Variants in METAP1 observed in about 807,000 individuals in gnomAD.
The protein encoded by METAP1 is methionyl aminopeptidase 1.
In METAP1, 28 loss-of-function variants were observed where a neutral mutation model predicts 53.8. The ratio of observed to expected loss-of-function variants is 0.52; its 90% CI spans 0.39 to 0.71. The LOEUF is 0.71. Ranked by LOEUF, METAP1 falls within the 30% of genes least tolerant of loss-of-function variation. The pLI is 0.00. For missense variants in METAP1, 389 were observed against 479.8 expected (o/e 0.81, Z 1.77); for synonymous variants, 181 against 165.7 (o/e 1.09, Z -0.71).
At chr4:99,003,580 A>G (rs1170031235) in intron 1 of METAP1, among the ~76,000 whole-genome samples, 5 of 152,184 alleles carry the variant, frequency 3.3e-5, no homozygotes, top group Non-Finnish European at 5.9e-5. Flanking sequence ...TGTTACATGA[A>G]TAATTTAATA....
chr4:99,043,383 T>A lies in METAP1; in HGVS notation c.651T>A (p.Val217=). 2 of 1,590,322 alleles carry A rather than the reference T, an allele frequency of 1.3e-6. No individual in the cohort carries two copies. Among genetic ancestry groups the A allele is most frequent in the Non-Finnish European group, 1.7e-6 (2 of 1,167,728 alleles). Residue 217 remains valine (V), a synonymous_variant, in exon 7 of 11, where the codon GTT becomes GTA. Coordinates refer to ENST00000296411, the MANE Select transcript of METAP1 (RefSeq NM_015143.3). The part of the protein sequence containing the change: ...DRRPLQEGDI[V]NVDITLYRNG... ...GGCCCTTACAAGAAGGTGACATTGT[T>A]AATGGTAAGAAAAATATGTTACTTT...
At position 99,041,072 on chromosome 4, in the gene METAP1, C is replaced by T. The variant is rs368142353; in HGVS notation, c.462C>T (p.Ala154=). Residue 154 remains alanine, a synonymous_variant, in exon 6 of 11, where the codon GCC becomes GCT. Coordinates refer to ENST00000296411, the MANE Select transcript of METAP1 (RefSeq NM_015143.3). The part of the protein sequence containing the change: ...RLAREVLDVA[A]GMIKPGVTTE... ...CTAGAGAAGTTTTGGATGTTGCTGC[C>T]GGCATGATTAAACCAGGTGTAACTA... The T allele has an allele frequency of 6.3e-5, 101 of 1,608,224 alleles. No homozygotes were observed. The highest frequency in any genetic ancestry group is 3.6e-4 in the African/African-American group (27 of 74,688).
intron 1 of METAP1, among the ~76,000 whole-genome samples, chr4:99,024,880 C>T (rs1724442468): frequency 6.6e-6 from 1 of 152,106 alleles, no homozygotes; most frequent in African/African-American, 2.4e-5. Flanking sequence ...GACAATTTTT[C>T]CATGGACTTG....
intron 9 of METAP1, among the ~76,000 whole-genome samples, chr4:99,053,684 C>T (rs1016474405): frequency 6.6e-6 from 1 of 152,106 alleles, no homozygotes; most frequent in African/African-American, 2.4e-5. Flanking sequence ...AATAATAAGA[C>T]TTGAAAGTCA....
intron 6 of METAP1, among the ~76,000 whole-genome samples, 188 bp from the exon 7 acceptor site, chr4:99,043,061 T>C (rs6834982): frequency 0.063 from 9,622 of 152,200 alleles, 1,058 homozygotes; most frequent in African/African-American, 0.22. Flanking sequence ...TGTGTATGTG[T>C]ACCTGACTGG....
chr4:99,004,526 A>G (rs1012859614), intron 1 of METAP1, among the ~76,000 whole-genome samples: 51 of 151,326 alleles, frequency 3.4e-4, no homozygotes, highest in Non-Finnish European at 2.1e-4. Context: ...ATAACACAGC[A>G]AATCATCCAC....
intron 1 of METAP1, chr4:99,023,518 TCAA>T (rs761103236): frequency 4.6e-5 from 45 of 985,292 alleles, no homozygotes; most frequent in Non-Finnish European, 5.2e-5. Context: ...CACACTCTCA[TCAA>T]CATGAATTGA....
At chr4:99,035,139 A>AATG (rs1246798956) in intron 3 of METAP1, among the ~76,000 whole-genome samples, 1 of 152,184 alleles carries the variant, frequency 6.6e-6, no homozygotes, top group Non-Finnish European at 1.5e-5. Flanking sequence ...TTTGTTTGGA[A>AATG]TAACATGGGT....
intron 1 of METAP1, among the ~76,000 whole-genome samples, chr4:99,011,337 T>C (rs1192444071): frequency 6.6e-6 from 1 of 152,242 alleles, no homozygotes; most frequent in Non-Finnish European, 1.5e-5. Flanking sequence ...TTTTCATGTA[T>C]TCCTAGTTTG....
At chr4:99,025,736 T>G (rs1204766015) in intron 1 of METAP1, among the ~76,000 whole-genome samples, 1 of 152,202 alleles carries the variant, frequency 6.6e-6, no homozygotes, top group Non-Finnish European at 1.5e-5. Flanking sequence ...GATTTGGACG[T>G]GCCTCATTAT....
At chr4:99,001,412 T>C (rs768426378) in intron 1 of METAP1, among the ~76,000 whole-genome samples, 2 of 152,242 alleles carry the variant, frequency 1.3e-5, no homozygotes, top group South Asian at 4.1e-4. Flanking sequence ...GATAATCAAT[T>C]ACCCAGAGAT....
At chr4:99,046,082 C>T (rs774508989) in intron 8 of METAP1, among the ~76,000 whole-genome samples, 23 of 152,138 alleles carry the variant, frequency 1.5e-4, no homozygotes, top group African/African-American at 2.2e-4. Flanking sequence ...AACAACTTAT[C>T]GAGGCTTTTT....
chr4:99,020,557 G>A (rs186498694), intron 1 of METAP1, among the ~76,000 whole-genome samples: 202 of 152,228 alleles, frequency 1.3e-3, no homozygotes, highest in African/African-American at 4.5e-3. Flanking sequence ...AGGAGGAGGC[G>A]GGACTAGAAA....
intron 8 of METAP1, 129 bp from the exon 9 acceptor site, chr4:99,048,604 A>G: frequency 3.0e-6 from 3 of 990,106 alleles, no homozygotes; most frequent in Non-Finnish European, 4.5e-6. Context: ...TCCTGAGCTC[A>G]GGCGATCTTC....
At chr4:99,035,741 A>T (rs968601642) in intron 4 of METAP1, among the ~76,000 whole-genome samples, 18 of 151,318 alleles carry the variant, frequency 1.2e-4, no homozygotes, top group African/African-American at 4.4e-4. Flanking sequence ...AACAGTTTTT[A>T]ATTTTAATAT....
intron 1 of METAP1, among the ~76,000 whole-genome samples, chr4:99,020,285 G>A (rs975905065): frequency 2.6e-5 from 4 of 152,168 alleles, no homozygotes; most frequent in African/African-American, 9.7e-5. Flanking sequence ...TTAGACCTCG[G>A]ACTTCAGAGG....
At chr4:99,049,187 T>C (rs966738906) in intron 9 of METAP1, among the ~76,000 whole-genome samples, 2 of 152,128 alleles carry the variant, frequency 1.3e-5, no homozygotes, top group African/African-American at 2.4e-5. Flanking sequence ...ATAGTGGAGA[T>C]GTTGGGGGTT....
At chr4:99,048,173 G>T (rs1360386670) in intron 8 of METAP1, among the ~76,000 whole-genome samples, 1 of 152,094 alleles carries the variant, frequency 6.6e-6, no homozygotes, top group East Asian at 1.9e-4. Flanking sequence ...AAAGCAAAAG[G>T]TACCTACTTC....
intron 1 of METAP1, among the ~76,000 whole-genome samples, chr4:99,027,713 C>G (rs1005705117): frequency 7.2e-5 from 11 of 152,142 alleles, no homozygotes; most frequent in Admixed American, 6.5e-4. Flanking sequence ...TGAAAAATCT[C>G]TAATGCTGTA....
Sources: allele counts gnomAD v4.1 joint callset (sites outside exome capture counted in the v4.1 genomes callset), GRCh38; gene constraint gnomAD v4.1.1; transcripts MANE v1.5; gene names NCBI Gene and HGNC (gene_info 2026-07-23, HGNC 2026-07-21).